The following DENND2C variants were observed in gnomAD, a reference collection of about 807,000 sequenced individuals.
The protein encoded by DENND2C is DENN domain containing 2C.
DENND2C carries 72 observed loss-of-function variants against 112.4 expected under a neutral mutation model. That is an observed-to-expected ratio of 0.64 (90% CI 0.53 to 0.78). The LOEUF is 0.78. DENND2C is among the 30% of genes least tolerant of loss of function. The pLI, the probability that DENND2C is intolerant of heterozygous loss-of-function variation, is 0.00. For synonymous variants in DENND2C, 329 were observed against 381.6 expected, an observed-to-expected ratio of 0.86 and a Z score of 1.61; for missense variants, 992 against 1,113.8, an observed-to-expected ratio of 0.89 and a Z score of 1.56.
chr1:114,633,439 CAAAAAAA>C (rs780884019), intron 3 of DENND2C, among the ~76,000 whole-genome samples: 179 of 49,208 alleles, frequency 3.6e-3, no homozygotes, highest in African/African-American at 0.01. Flanking sequence ...GACCCTATCT[CAAAAAAA>C]AAAAAAAAAA....
intron 3 of DENND2C, among the ~76,000 whole-genome samples, chr1:114,633,933 G>GAT (rs2101674891): frequency 6.6e-6 from 1 of 152,272 alleles, no homozygotes; most frequent in East Asian, 1.9e-4. Context: ...ATCTGTTAAA[G>GAT]AGACATAAAC....
chr1:114,597,945 A>G (rs557698813), intron 16 of DENND2C, among the ~76,000 whole-genome samples: 1 of 152,358 alleles, frequency 6.6e-6, no homozygotes, highest in Non-Finnish European at 1.5e-5. Flanking sequence ...CTACGCACCC[A>G]CCAGATAGGC....
chr1:114,634,507 T>G (rs758693629), intron 3 of DENND2C, among the ~76,000 whole-genome samples: 7 of 152,036 alleles, frequency 4.6e-5, no homozygotes, highest in Non-Finnish European at 8.8e-5. Flanking sequence ...TCTTTTCAAG[T>G]GTGCATGAAA....
rs548506106 is a variant in DENND2C at position 114,594,528 on chromosome 1, C to T, written c.2376G>A (p.Met792Ile). 2 of 1,613,984 alleles carry T rather than the reference C, an allele frequency of 1.2e-6. No homozygotes were observed. Among genetic ancestry groups the T allele is most frequent in the South Asian group, 1.1e-5 (1 of 91,080 alleles). Reference sequence around the variant, plus strand: ...TTTCATTTCGTTCTTCCAAAATCTGCATCAGGGCAGCTTGAAGTTTTGGTG... The same window carrying T: ...TTTCATTTCGTTCTTCCAAAATCTGTATCAGGGCAGCTTGAAGTTTTGGTG... Reference protein sequence around the residue: ...ILPPKLQAALMQILEERNEIL... With the variant: ...ILPPKLQAALIQILEERNEIL... Residue 792 changes from methionine to isoleucine, a missense_variant, in exon 18 of 21, where the codon ATG becomes ATA. This residue lies in a region of DENND2C where 516 missense variants were observed against 623.6 expected (regional missense o/e 0.83). Coordinates refer to ENST00000393274, the MANE Select transcript of DENND2C (RefSeq NM_001256404.2).
At chr1:114,654,873 C>T (rs1009006662) in intron 1 of DENND2C, 112 bp from the exon 2 acceptor site, 12 of 151,974 alleles carry the variant, frequency 7.9e-5, no homozygotes, top group Non-Finnish European at 1.8e-4. Flanking sequence ...TCTTCAAGAT[C>T]ACTTCATAGT....
chr1:114,654,746 T>G lies in DENND2C; in HGVS notation c.-558A>C, dbSNP rs1192583470. 1 of 151,138 alleles carries G rather than the reference T, an allele frequency of 6.6e-6. No homozygotes were observed. The highest frequency in any genetic ancestry group is 1.5e-5 in the Non-Finnish European group (1 of 67,878). 9.4% of individuals were successfully genotyped at this position (151,138 alleles called of 1,614,324 possible). On this transcript the variant is annotated 5_prime_UTR_variant, in exon 2 of 21. Coordinates refer to ENST00000393274, the MANE Select transcript of DENND2C (RefSeq NM_001256404.2). ...GCAAGTGGTTTAAGCAATACCGATG[T>G]TTGTTTCTCTGCCACCTAAAAAAAA... is the stretch of plus-strand genomic sequence containing the variant.
At chr1:114,645,201 C>T (rs1439032539) in intron 3 of DENND2C, among the ~76,000 whole-genome samples, 1 of 152,096 alleles carries the variant, frequency 6.6e-6, no homozygotes, top group Non-Finnish European at 1.5e-5. Flanking sequence ...ACCGTGTCCC[C>T]TGAAAATTCA....
chr1:114,623,407 G>GCAAT (rs944392690), intron 5 of DENND2C, 100 bp downstream of exon 5: 1 of 1,176,316 alleles, frequency 8.5e-7, no homozygotes, highest in African/African-American at 1.6e-5. Context: ...AAAACCTAGA[G>GCAAT]CAATATATGC....
chr1:114,593,535 A>G (rs1557938397), intron 18 of DENND2C, among the ~76,000 whole-genome samples: 1 of 152,172 alleles, frequency 6.6e-6, no homozygotes, highest in Non-Finnish European at 1.5e-5. Context: ...CTGTAATTCC[A>G]GTGCTTTGTG....
At chr1:114,655,647 C>T (rs1046025944) in intron 1 of DENND2C, among the ~76,000 whole-genome samples, 3 of 151,878 alleles carry the variant, frequency 2.0e-5, no homozygotes, top group Admixed American at 1.3e-4. Context: ...CCATGCCCAG[C>T]TAATCTTTGT....
At chr1:114,660,805 GTTAAAT>G (rs1453202876) in intron 1 of DENND2C, among the ~76,000 whole-genome samples, 1 of 151,938 alleles carries the variant, frequency 6.6e-6, no homozygotes, top group South Asian at 2.1e-4. Context: ...TACAGCTGTG[GTTAAAT>G]TTAAACAACA....
At chr1:114,592,886 G>A (rs1380110745) in intron 18 of DENND2C, among the ~76,000 whole-genome samples, 2 of 151,906 alleles carry the variant, frequency 1.3e-5, no homozygotes, top group African/African-American at 2.4e-5. Flanking sequence ...AATCTTAATC[G>A]TCGCCATACT....
intron 3 of DENND2C, among the ~76,000 whole-genome samples, chr1:114,632,806 C>G (rs1656532144): frequency 6.6e-6 from 1 of 152,042 alleles, no homozygotes; most frequent in Middle Eastern, 3.4e-3. Context: ...AGAAATTTTA[C>G]ACTTATCTGT....
At chr1:114,586,651 T>C (rs1438976148) in intron 20 of DENND2C, 1 of 152,046 alleles carries the variant, frequency 6.6e-6, no homozygotes, top group East Asian at 1.9e-4. Flanking sequence ...GCTTTTGTGA[T>C]GAGGCCCACT....
At chr1:114,656,074 C>CT (rs372647406) in intron 1 of DENND2C, among the ~76,000 whole-genome samples, 30 of 150,744 alleles carry the variant, frequency 2.0e-4, no homozygotes, top group African/African-American at 6.1e-4. Context: ...CAATTTTTTT[C>CT]TTTTTTTTCG....
At chr1:114,655,983 GTATT>G (rs142456082) in intron 1 of DENND2C, among the ~76,000 whole-genome samples, 1,979 of 151,434 alleles carry the variant, frequency 0.013, 23 homozygotes, top group Non-Finnish European at 0.022. Context: ...GGTAATGCCA[GTATT>G]TATTTATCCA....
In DENND2C at chr1:114,595,837, G is replaced by A. The variant is rs1169334492; in HGVS notation, c.2320C>T (p.Gln774Ter). Residue 774 changes from glutamine (Q) to a stop codon, truncating the protein, a stop_gained, in exon 17 of 21, where the codon CAG becomes TAG. Coordinates refer to ENST00000393274, the MANE Select transcript of DENND2C (RefSeq NM_001256404.2). LOFTEE classifies it high-confidence loss of function. The part of the protein sequence containing the change: ...IVDLCADKFL[Q>*]EVSDEDEILP... ...TTACCTCCTTTGGCACTCACCTCCT[G>A]TAAGAACTTGTCTGCACAGAGATCA... 6.2e-7 allele frequency: 1 copy of A among 1,613,748 alleles called. No individual in the cohort carries two copies. The highest frequency in any genetic ancestry group is 8.5e-7 in the Non-Finnish European group (1 of 1,179,758).
chr1:114,622,730 T>C (rs578252910), intron 6 of DENND2C, among the ~76,000 whole-genome samples: 2 of 150,842 alleles, frequency 1.3e-5, no homozygotes, highest in South Asian at 2.1e-4. Flanking sequence ...GTGGGAACTA[T>C]AGTAAACTGA....
intron 8 of DENND2C, among the ~76,000 whole-genome samples, chr1:114,612,565 G>T (rs1232912153): frequency 6.6e-6 from 1 of 151,224 alleles, no homozygotes; most frequent in Non-Finnish European, 1.5e-5. Context: ...TGTCGCCCAG[G>T]CTGGAGTGCA....
Sources: gnomAD v4.1 joint callset for allele counts (sites outside exome capture counted in the v4.1 genomes callset) on GRCh38, gnomAD v4.1.1 for gene constraint, gnomAD v4.1.1 regional missense constraint, MANE v1.5 for transcripts, NCBI Gene and HGNC (gene_info 2026-07-23, HGNC 2026-07-21) for gene names.